Variants in PRIM2 observed in about 807,000 individuals in gnomAD.
The protein encoded by PRIM2 is DNA primase large subunit.
Under a neutral mutation model 67.3 loss-of-function variants are expected in PRIM2, and 39 were observed. That is an observed-to-expected ratio of 0.58 (90% CI 0.45 to 0.76). The LOEUF (loss-of-function observed/expected upper bound fraction) is 0.76, where lower values mean the gene tolerates loss of function less well. PRIM2 is among the 30% of genes least tolerant of loss of function. The pLI is 0.00. For missense variants in PRIM2, 398 were observed against 598.7 expected (o/e 0.66, Z 3.50); for synonymous variants, 143 against 198.7 (o/e 0.72, Z 2.36).
chr6:57,608,129 T>C (rs1168658415), intron 12 of PRIM2, among the ~76,000 whole-genome samples: 1 of 152,052 alleles, frequency 6.6e-6, no homozygotes, highest in Non-Finnish European at 1.5e-5. Context: ...ATCCTTCTCT[T>C]TGTCAAGCAT....
the PRIM2 span, among the ~76,000 whole-genome samples, chr6:57,278,308 T>C: frequency 6.6e-6 from 1 of 151,866 alleles, no homozygotes; most frequent in Admixed American, 6.6e-5. Context: ...GCCTGGGTGA[T>C]AGAGCGAGAC....
chr6:57,431,579 T>C (rs80198098), intron 7 of PRIM2, among the ~76,000 whole-genome samples: 61 of 152,072 alleles, frequency 4.0e-4, no homozygotes, highest in African/African-American at 1.4e-3. Context: ...GCCCAGGATT[T>C]GAGGCTACAG....
At chr6:57,300,200 G>A in the PRIM2 span, among the ~76,000 whole-genome samples, 1 of 152,214 alleles carries the variant, frequency 6.6e-6, no homozygotes, top group Admixed American at 6.5e-5. Context: ...CAGATGCATT[G>A]TCCATTTTGG....
chr6:57,237,029 C>A, the PRIM2 span, among the ~76,000 whole-genome samples: 5 of 151,946 alleles, frequency 3.3e-5, no homozygotes, highest in African/African-American at 1.2e-4. Flanking sequence ...ACAGTCCCAC[C>A]AAGAGTGTAA....
chr6:57,274,010 G>A, the PRIM2 span, among the ~76,000 whole-genome samples: 805 of 152,286 alleles, frequency 5.3e-3, 10 homozygotes, highest in East Asian at 0.031. Flanking sequence ...AGGAGTACCC[G>A]GCCGTGTAAG....
At position 57,643,423 on chromosome 6, in the gene PRIM2, C is replaced by G. The variant is rs1360621851; in HGVS notation, c.1300-2505C>G. ...GGCCTGAATTTTAATTCAGACAAAA[C>G]CAGTTACTAATTCTATGACCTTGAA... On this transcript the variant is annotated intron_variant, in intron 13 of 13. Coordinates refer to ENST00000615550, the MANE Select transcript of PRIM2 (RefSeq NM_000947.5). Among the ~76,000 whole-genome samples, 4 of 152,134 alleles carry G rather than the reference C, an allele frequency of 2.6e-5. No homozygotes were observed. In the East Asian group the frequency reaches 5.8e-4, roughly 22 times the overall value.
intron 13 of PRIM2, among the ~76,000 whole-genome samples, chr6:57,638,157 A>C (rs1417898591): frequency 6.6e-6 from 1 of 152,216 alleles, no homozygotes; most frequent in African/African-American, 2.4e-5. Flanking sequence ...ACTAACCTTC[A>C]TAAGCGAAGG....
At chr6:57,345,240 C>A (rs1199336592) in intron 5 of PRIM2, among the ~76,000 whole-genome samples, 3 of 152,040 alleles carry the variant, frequency 2.0e-5, no homozygotes, top group South Asian at 2.1e-4. Context: ...TCACTGCAAC[C>A]TTTGCCTCCT....
At chr6:57,293,365 G>A in the PRIM2 span, among the ~76,000 whole-genome samples, 20 of 152,298 alleles carry the variant, frequency 1.3e-4, no homozygotes, top group East Asian at 3.9e-3. Flanking sequence ...TGGAGAAATA[G>A]GAATGCTTTT....
the PRIM2 span, among the ~76,000 whole-genome samples, chr6:57,263,888 G>A: frequency 6.6e-6 from 1 of 152,180 alleles, no homozygotes; most frequent in African/African-American, 2.4e-5. Flanking sequence ...GGTACTAAGT[G>A]ACCGGGCTGA....
chr6:57,269,697 T>C, the PRIM2 span, among the ~76,000 whole-genome samples: 1 of 152,160 alleles, frequency 6.6e-6, no homozygotes, highest in Non-Finnish European at 1.5e-5. Flanking sequence ...AGACATGAGG[T>C]CCTTGCCCAT....
At chr6:57,605,255 G>A (rs1208489002) in intron 11 of PRIM2, among the ~76,000 whole-genome samples, 2 of 152,186 alleles carry the variant, frequency 1.3e-5, no homozygotes, top group Admixed American at 6.5e-5. Flanking sequence ...TGTCTCGGCC[G>A]GAGTTTGGTA....
At chr6:57,302,841 A>G in the PRIM2 span, among the ~76,000 whole-genome samples, 1 of 152,218 alleles carries the variant, frequency 6.6e-6, no homozygotes, top group African/African-American at 2.4e-5. Flanking sequence ...TCGTTTTCTA[A>G]GATTTCTAAA....
chr6:57,309,978 A>G (rs1371141598), upstream of PRIM2, among the ~76,000 whole-genome samples: 2 of 152,194 alleles, frequency 1.3e-5, no homozygotes, highest in Admixed American at 1.3e-4. Context: ...CTGCATAGCA[A>G]AAGAAACTAC....
At position 57,646,107 on chromosome 6, in the gene PRIM2, T is replaced by G. The variant is rs1582035929; in HGVS notation, c.1479T>G (p.Ser493=). The G allele has an allele frequency of 1.3e-6, 2 of 1,599,720 alleles. No homozygotes were observed. The highest frequency in any genetic ancestry group is 1.7e-6 in the Non-Finnish European group (2 of 1,167,050). Reference sequence around the variant, plus strand: ...CTGCTCTGGCCTCTTTAAATTCCTCTCTGGAAATGGATATGGAAGGACTAG... The same window carrying G: ...CTGCTCTGGCCTCTTTAAATTCCTCGCTGGAAATGGATATGGAAGGACTAG... ...ASSALASLNS[S]LEMDMEGLED... Residue 493 remains serine, a synonymous_variant, in exon 14 of 14, where the codon TCT becomes TCG. Coordinates refer to ENST00000615550, the MANE Select transcript of PRIM2 (RefSeq NM_000947.5).
the PRIM2 span, among the ~76,000 whole-genome samples, chr6:57,237,996 T>C: frequency 1.3e-5 from 2 of 152,136 alleles, no homozygotes; most frequent in African/African-American, 4.8e-5. Context: ...AGGGATCAAT[T>C]CAACAAGAAG....
At chr6:57,225,164 C>T in the PRIM2 span, among the ~76,000 whole-genome samples, 3 of 152,190 alleles carry the variant, frequency 2.0e-5, no homozygotes, top group African/African-American at 7.2e-5. Flanking sequence ...TTAGGCCTAA[C>T]TGCTTTTTGG....
the PRIM2 span, among the ~76,000 whole-genome samples, chr6:57,270,102 T>C: frequency 6.6e-6 from 1 of 152,054 alleles, no homozygotes; most frequent in African/African-American, 2.4e-5. Context: ...TAGGATTGAC[T>C]TGGCGATGCG....
At chr6:57,297,933 G>A in the PRIM2 span, among the ~76,000 whole-genome samples, 4 of 152,152 alleles carry the variant, frequency 2.6e-5, no homozygotes, top group Admixed American at 1.3e-4. Context: ...AATGCAACGC[G>A]GGATCATGGA....
Sources: gnomAD v4.1 joint callset for allele counts (sites outside exome capture counted in the v4.1 genomes callset) on GRCh38, gnomAD v4.1.1 for gene constraint, MANE v1.5 for transcripts, NCBI Gene and HGNC (gene_info 2026-07-23, HGNC 2026-07-21) for gene names.